SCAPER: variants seen among roughly 807,000 people sequenced by gnomAD.
The protein encoded by SCAPER is S phase cyclin A-associated protein in the endoplasmic reticulum.
Under a neutral mutation model 182.2 loss-of-function variants are expected in SCAPER, and 98 were observed. The observed-to-expected ratio is 0.54, with a 90% confidence interval of 0.46 to 0.64. SCAPER has a LOEUF of 0.64. Among genes scored for constraint, SCAPER ranks in the 30% least tolerant of loss-of-function variants. The probability of loss-of-function intolerance (pLI) is 0.00; values close to 1 mark genes in which losing one functional copy is unlikely to be tolerated. For missense variants in SCAPER, 1,432 were observed against 1,690.0 expected (o/e 0.85, Z 2.68); for synonymous variants, 605 against 564.6 (o/e 1.07, Z -1.01).
At chr15:76,785,823 C>T (rs182400851) in intron 8 of SCAPER, among the ~76,000 whole-genome samples, 5 of 152,248 alleles carry the variant, frequency 3.3e-5, no homozygotes, top group Admixed American at 3.3e-4. Flanking sequence ...GGGAACTGAA[C>T]AACGCGAACA....
At chr15:76,588,769 G>A (rs1031609199) in intron 22 of SCAPER, among the ~76,000 whole-genome samples, 5 of 152,142 alleles carry the variant, frequency 3.3e-5, no homozygotes, top group African/African-American at 1.2e-4. Flanking sequence ...GAACTCCTTG[G>A]CCAGGTGTGG....
Position 76,602,819 on chromosome 15 carries a change from A to C in SCAPER, c.2711+18945T>G, listed in dbSNP as rs1423683644. Reference sequence around the variant, plus strand: ...TGGAAGTTACTATTGTCATATCCTCAAGCTGAGATTATTTCCTCAGCTATC... The same window carrying C: ...TGGAAGTTACTATTGTCATATCCTCCAGCTGAGATTATTTCCTCAGCTATC... On this transcript the variant is annotated intron_variant, in intron 22 of 31. Transcript: ENST00000563290. Among the ~76,000 whole-genome samples the C allele has an allele frequency of 1.4e-4, 16 of 118,102 alleles. 6 individuals carry two copies. Among genetic ancestry groups the C allele is most frequent in the Non-Finnish European group, 2.9e-4 (14 of 49,108 alleles). 77.5% of individuals were successfully genotyped at this position (118,102 alleles called of 152,430 possible). A position where few individuals can be genotyped will look rare whatever the true frequency, so the allele number is the denominator to read the frequency against.
intron 4 of SCAPER, among the ~76,000 whole-genome samples, chr15:76,842,946 ATTAAC>A (rs2069622729): frequency 6.6e-6 from 1 of 152,188 alleles, no homozygotes. Flanking sequence ...CAAAGTTAAA[ATTAAC>A]TTAGGAAGTT....
intron 14 of SCAPER, among the ~76,000 whole-genome samples, chr15:76,758,642 C>A (rs2062589738): frequency 6.6e-6 from 1 of 152,104 alleles, no homozygotes; most frequent in South Asian, 2.1e-4. Flanking sequence ...GGGATTTTGA[C>A]AGAGATTGCA....
intron 23 of SCAPER, among the ~76,000 whole-genome samples, chr15:76,512,058 T>C (rs951265089): frequency 6.9e-6 from 1 of 145,852 alleles, no homozygotes; most frequent in African/African-American, 2.5e-5. Context: ...AATTTTTGTA[T>C]TTTTTTTTTA....
intron 23 of SCAPER, among the ~76,000 whole-genome samples, chr15:76,564,660 G>GA (rs2046893004): frequency 1.3e-5 from 2 of 151,912 alleles, no homozygotes; most frequent in Admixed American, 1.3e-4. Context: ...ACTAAAAAAA[G>GA]AAAAATTTTT....
intron 26 of SCAPER, among the ~76,000 whole-genome samples, chr15:76,424,206 T>A (rs1316998818): frequency 6.6e-6 from 1 of 152,196 alleles, no homozygotes; most frequent in Non-Finnish European, 1.5e-5. Context: ...CTGTCTAATG[T>A]TGATGGTGGG....
intron 5 of SCAPER, among the ~76,000 whole-genome samples, chr15:76,809,571 G>GA (rs905249775): frequency 6.6e-6 from 1 of 151,864 alleles, no homozygotes; most frequent in Non-Finnish European, 1.5e-5. Flanking sequence ...GGAATAAAAG[G>GA]AAAAAATGAC....
At chr15:76,691,717 C>T (rs758786456) in intron 20 of SCAPER, among the ~76,000 whole-genome samples, 2 of 152,104 alleles carry the variant, frequency 1.3e-5, no homozygotes, top group Admixed American at 6.5e-5. Flanking sequence ...TTCTCACTAA[C>T]CCAAATGATG....
At chr15:76,355,433 AT>A (rs1484343902) in intron 29 of SCAPER, among the ~76,000 whole-genome samples, 1 of 152,210 alleles carries the variant, frequency 6.6e-6, no homozygotes, top group Non-Finnish European at 1.5e-5. Flanking sequence ...CATTTACTTT[AT>A]TGATAAAGGC....
chr15:76,728,156 G>A (rs1182654593), intron 17 of SCAPER, among the ~76,000 whole-genome samples: 1 of 149,094 alleles, frequency 6.7e-6, no homozygotes, highest in Admixed American at 6.7e-5. Flanking sequence ...AAAACTAAGG[G>A]ATAATTGAAG....
At chr15:76,570,377 G>C (rs2047352504) in intron 23 of SCAPER, among the ~76,000 whole-genome samples, 1 of 151,746 alleles carries the variant, frequency 6.6e-6, no homozygotes, top group Non-Finnish European at 1.5e-5. Flanking sequence ...TCAAACTCAT[G>C]TCCACTTCTT....
chr15:76,684,544 G>C (rs532145496), intron 20 of SCAPER, among the ~76,000 whole-genome samples: 2 of 151,312 alleles, frequency 1.3e-5, no homozygotes, highest in African/African-American at 4.8e-5. Flanking sequence ...AAAAACCTTA[G>C]GGAAGACTAA....
chr15:76,396,436 T>C (rs1278292839), intron 27 of SCAPER, among the ~76,000 whole-genome samples: 2 of 152,226 alleles, frequency 1.3e-5, no homozygotes, highest in Non-Finnish European at 2.9e-5. Flanking sequence ...TTTAACAATA[T>C]TGCTGCTTCC....
chr15:76,709,147 T>G (rs985943735), intron 17 of SCAPER, among the ~76,000 whole-genome samples: 2 of 152,160 alleles, frequency 1.3e-5, no homozygotes, highest in African/African-American at 2.4e-5. Context: ...ATTTATTTAT[T>G]TATGAGATGG....
chr15:76,560,496 A>C (rs1407954195), intron 23 of SCAPER, among the ~76,000 whole-genome samples: 1 of 152,224 alleles, frequency 6.6e-6, no homozygotes, highest in African/African-American at 2.4e-5. Flanking sequence ...ACTGATAAGG[A>C]AACTGACACC....
intron 21 of SCAPER, among the ~76,000 whole-genome samples, chr15:76,661,328 T>C (rs2056141088): frequency 6.6e-6 from 1 of 152,042 alleles, no homozygotes; most frequent in African/African-American, 2.4e-5. Flanking sequence ...AATTGACAAA[T>C]GAGATCTAAT....
chr15:76,665,741 T>C lies in SCAPER; in HGVS notation c.2557A>G (p.Thr853Ala). ...TCTTTCAAAGCTTCTGCTGGAGCTGTACTTTCAACCACAATGTCAATAATG... is the reference window on the plus strand; with the variant it reads ...TCTTTCAAAGCTTCTGCTGGAGCTGCACTTTCAACCACAATGTCAATAATG... ...KYIIDIVVES[T>A]APAEALKDGE... Residue 853 changes from threonine to alanine, a missense_variant, in exon 21 of 32, where the codon ACA becomes GCA. By Grantham distance (58) the Thr-to-Ala change is moderately conservative. Around this residue, in one of 5 missense-constraint regions of SCAPER, gnomAD observed 718 missense variants for 799.7 expected, o/e 0.90. Transcript: ENST00000563290. The C allele has an allele frequency of 6.4e-7, 1 of 1,554,016 alleles. No homozygotes were observed. The highest frequency in any genetic ancestry group is 8.7e-7 in the Non-Finnish European group (1 of 1,149,042).
At chr15:76,471,426 A>G in intron 24 of SCAPER, 91 bp from the exon 25 acceptor site, 1 of 1,388,972 alleles carries the variant, frequency 7.2e-7, no homozygotes, top group Non-Finnish European at 9.5e-7. Context: ...ATGAAAGCCA[A>G]CAGGCATGAG....
Sources: allele counts gnomAD v4.1 joint callset (sites outside exome capture counted in the v4.1 genomes callset), GRCh38; gene constraint gnomAD v4.1.1; regional missense constraint gnomAD v4.1.1; transcripts MANE v1.5; gene names NCBI Gene and HGNC (gene_info 2026-07-23, HGNC 2026-07-21).